PTPRT: variants seen among roughly 807,000 people sequenced by gnomAD.
PTPRT encodes protein tyrosine phosphatase receptor type T, also known as receptor-type tyrosine-protein phosphatase T.
A neutral mutation model predicts 176.8 loss-of-function variants in PTPRT; 56 were observed. The ratio of observed to expected loss-of-function variants is 0.32; its 90% CI spans 0.26 to 0.40. The LOEUF (loss-of-function observed/expected upper bound fraction) is 0.40, where lower values mean the gene tolerates loss of function less well. Ranked by LOEUF, PTPRT falls within the 10% of genes least tolerant of loss-of-function variation. The pLI, the probability that PTPRT is intolerant of heterozygous loss-of-function variation, is 1.00. For synonymous variants in PTPRT, 783 were observed against 739.0 expected (o/e 1.06, Z -0.96); for missense variants, 1,540 against 1,908.2 (o/e 0.81, Z 3.60).
At chr20:42,195,155 T>TA (rs539254189) in intron 16 of PTPRT, among the ~76,000 whole-genome samples, 2 of 151,120 alleles carry the variant, frequency 1.3e-5, no homozygotes, top group African/African-American at 2.4e-5. Flanking sequence ...TAAAGCATAA[T>TA]AAAAAAAAGA....
At chr20:42,551,159 C>A (rs550882377) in intron 7 of PTPRT, among the ~76,000 whole-genome samples, 1 of 152,172 alleles carries the variant, frequency 6.6e-6, no homozygotes, top group South Asian at 2.1e-4. Flanking sequence ...TTATATATCT[C>A]TTTATATAAG....
chr20:43,029,645 G>A (rs1200576926), intron 1 of PTPRT, among the ~76,000 whole-genome samples: 2 of 152,186 alleles, frequency 1.3e-5, no homozygotes, highest in East Asian at 3.8e-4. Flanking sequence ...ATTAGTCTTA[G>A]CCATGTAATT....
chr20:42,842,094 C>T (rs148269183), intron 2 of PTPRT, among the ~76,000 whole-genome samples: 3 of 152,344 alleles, frequency 2.0e-5, no homozygotes, highest in African/African-American at 7.2e-5. Flanking sequence ...ATCATTGTTA[C>T]AAGAAGACCT....
intron 7 of PTPRT, among the ~76,000 whole-genome samples, chr20:42,558,578 T>C (rs1166070307): frequency 6.6e-6 from 1 of 152,014 alleles, no homozygotes; most frequent in East Asian, 1.9e-4. Context: ...TGGGAGTGTG[T>C]ATTATTAGCC....
chr20:42,689,033 G>A (rs1032316426), intron 6 of PTPRT, among the ~76,000 whole-genome samples: 2 of 152,190 alleles, frequency 1.3e-5, no homozygotes, highest in African/African-American at 2.4e-5. Flanking sequence ...GATACAGACA[G>A]AAGACAGGGA....
chr20:42,244,574 G>T (rs1378027029), intron 14 of PTPRT, among the ~76,000 whole-genome samples: 1 of 152,126 alleles, frequency 6.6e-6, no homozygotes, highest in Non-Finnish European at 1.5e-5. Flanking sequence ...AAGTCCAGGG[G>T]TGCGGATCTT....
downstream of PTPRT, among the ~76,000 whole-genome samples, chr20:42,068,154 A>G (rs1204696936): frequency 1.3e-5 from 2 of 152,198 alleles, no homozygotes; most frequent in African/African-American, 4.8e-5. Flanking sequence ...ATTTCTGGGT[A>G]GCACACTCAC....
chr20:42,182,983 A>G (rs6102713), intron 16 of PTPRT, among the ~76,000 whole-genome samples: 50,849 of 149,242 alleles, frequency 0.34, 8,994 homozygotes, highest in Admixed American at 0.38. Context: ...TTGTGCTGTC[A>G]CTTTCCTTGA....
intron 1 of PTPRT, among the ~76,000 whole-genome samples, chr20:43,028,749 A>T (rs1219099696): frequency 6.6e-6 from 1 of 152,162 alleles, no homozygotes; most frequent in Non-Finnish European, 1.5e-5. Context: ...ATCAAATCTG[A>T]TCCAAACGCC....
chr20:42,668,858 A>ATTTTTTTTTTTTTTTTTTTT (rs755121515), intron 7 of PTPRT, among the ~76,000 whole-genome samples: 1 of 81,276 alleles, frequency 1.2e-5, no homozygotes, highest in Admixed American at 1.8e-4. Flanking sequence ...CGCCCAGCTA[A>ATTTTTTTTTTTTTTTTTTTT]TTTTTTTTTT....
chr20:42,071,470 G>T (rs1982331469), downstream of PTPRT, among the ~76,000 whole-genome samples: 1 of 152,036 alleles, frequency 6.6e-6, no homozygotes, highest in Non-Finnish European at 1.5e-5. Flanking sequence ...ATCACCTGGG[G>T]CACTTGCTGA....
chr20:42,131,532 CAAAAAG>C (rs1241070420), intron 18 of PTPRT, among the ~76,000 whole-genome samples: 1 of 152,114 alleles, frequency 6.6e-6, no homozygotes, highest in Non-Finnish European at 1.5e-5. Context: ...AAAAACAAAA[CAAAAAG>C]AAACGAACTT....
At chr20:43,132,001 G>A (rs1238813217) in intron 1 of PTPRT, among the ~76,000 whole-genome samples, 31 of 151,634 alleles carry the variant, frequency 2.0e-4, no homozygotes, top group Admixed American at 2.0e-3. Flanking sequence ...TTAACTCAAT[G>A]AAAAATTTAC....
At chr20:42,487,759 C>T (rs1194144376) in intron 7 of PTPRT, among the ~76,000 whole-genome samples, 2 of 152,156 alleles carry the variant, frequency 1.3e-5, no homozygotes, top group African/African-American at 4.8e-5. Context: ...CTTCTGACCT[C>T]CAGAACAATA....
At chr20:42,103,313 T>C (rs1986131379) in intron 25 of PTPRT, among the ~76,000 whole-genome samples, 1 of 152,222 alleles carries the variant, frequency 6.6e-6, no homozygotes, top group African/African-American at 2.4e-5. Flanking sequence ...TCTCAAAGTT[T>C]AACATGCATA....
chr20:42,054,003 C>T, the PTPRT span, among the ~76,000 whole-genome samples: 1 of 152,232 alleles, frequency 6.6e-6, no homozygotes, highest in African/African-American at 2.4e-5. Flanking sequence ...TGTCAGGGAT[C>T]AGTCTCTGGT....
At chr20:42,295,494 C>T (rs1291166672) in intron 12 of PTPRT, among the ~76,000 whole-genome samples, 1 of 152,144 alleles carries the variant, frequency 6.6e-6, no homozygotes, top group African/African-American at 2.4e-5. Flanking sequence ...ACTGAGGAAA[C>T]TTCAGCAAAA....
chr20:42,409,278 C>G (rs1218578099), intron 9 of PTPRT, among the ~76,000 whole-genome samples: 1 of 151,634 alleles, frequency 6.6e-6, no homozygotes, highest in Non-Finnish European at 1.5e-5. Context: ...GTCAGGAGTT[C>G]GAGACCAGCC....
At chr20:42,309,610 T>A (rs537559268) in intron 12 of PTPRT, among the ~76,000 whole-genome samples, 6 of 152,362 alleles carry the variant, frequency 3.9e-5, no homozygotes, top group Admixed American at 3.9e-4. Flanking sequence ...TTATTCAATA[T>A]CTTTTTCTTA....
Sources: gnomAD v4.1 joint callset for allele counts (sites outside exome capture counted in the v4.1 genomes callset) on GRCh38, gnomAD v4.1.1 for gene constraint, MANE v1.5 for transcripts, NCBI Gene and HGNC (gene_info 2026-07-23, HGNC 2026-07-21) for gene names.